ZCWPW2: variants seen among roughly 807,000 people sequenced by gnomAD.
The protein encoded by ZCWPW2 is zinc finger CW-type PWWP domain protein 2.
Under a neutral mutation model 46.6 loss-of-function variants are expected in ZCWPW2, and 45 were observed. The ratio of observed to expected loss-of-function variants is 0.96; its 90% CI spans 0.76 to 1.24. The LOEUF is 1.24. Among genes scored for constraint, ZCWPW2 ranks in the 50% most tolerant of loss-of-function variants. The probability of loss-of-function intolerance (pLI) is 0.00; values close to 1 mark genes in which losing one functional copy is unlikely to be tolerated. For synonymous variants in ZCWPW2, 152 were observed against 137.1 expected (o/e 1.11, Z -0.76); for missense variants, 429 against 403.9 (o/e 1.06, Z -0.53).
intron 3 of ZCWPW2, among the ~76,000 whole-genome samples, chr3:28,434,200 A>T (rs1381915764): frequency 1.3e-5 from 2 of 152,136 alleles, no homozygotes; most frequent in South Asian, 4.1e-4. Flanking sequence ...AAAATGAATA[A>T]CTTCTTAGGT....
chr3:28,504,618 A>G (rs1700229836), intron 6 of ZCWPW2, among the ~76,000 whole-genome samples: 1 of 152,230 alleles, frequency 6.6e-6, no homozygotes, highest in Non-Finnish European at 1.5e-5. Context: ...ATTGAAACAC[A>G]TAGATTCTAG....
intron 4 of ZCWPW2, among the ~76,000 whole-genome samples, chr3:28,476,210 G>C (rs1044629872): frequency 6.6e-6 from 1 of 151,526 alleles, no homozygotes; most frequent in Non-Finnish European, 1.5e-5. Flanking sequence ...GTAGTACCTG[G>C]GATGGGAAAG....
At chr3:28,478,631 T>G (rs976678950) in intron 4 of ZCWPW2, among the ~76,000 whole-genome samples, 183 bp from the exon 5 acceptor site, 4 of 152,124 alleles carry the variant, frequency 2.6e-5, no homozygotes, top group African/African-American at 9.7e-5. Flanking sequence ...ACTATTAACT[T>G]GCAAAATTTT....
intron 4 of ZCWPW2, among the ~76,000 whole-genome samples, chr3:28,474,618 TGTGCGCGCGC>T (rs1699162227): frequency 6.8e-6 from 1 of 146,458 alleles, no homozygotes; most frequent in Non-Finnish European, 1.5e-5. Context: ...TGTGTGTGTG[TGTGCGCGCGC>T]GCGCGCGCGC....
chr3:28,369,696 A>G (rs1705243864), intron 1 of ZCWPW2, among the ~76,000 whole-genome samples: 2 of 152,192 alleles, frequency 1.3e-5, no homozygotes, highest in African/African-American at 4.8e-5. Context: ...TCAGACAGGG[A>G]CATTTAAGTC....
chr3:28,406,862 C>T (rs1427298625), intron 2 of ZCWPW2, among the ~76,000 whole-genome samples: 2 of 138,082 alleles, frequency 1.4e-5, no homozygotes, highest in African/African-American at 2.7e-5. Flanking sequence ...AGGTCTCGGT[C>T]TGTCACCCAG....
chr3:28,431,317 A>T (rs926716250), intron 3 of ZCWPW2, among the ~76,000 whole-genome samples: 3 of 152,148 alleles, frequency 2.0e-5, no homozygotes, highest in Admixed American at 2.0e-4. Context: ...AATGTCACAG[A>T]CTGGGTGGCT....
chr3:28,440,686 G>A (rs1249036344), intron 4 of ZCWPW2, among the ~76,000 whole-genome samples: 28 of 152,194 alleles, frequency 1.8e-4, no homozygotes, highest in Admixed American at 1.8e-3. Context: ...TGAGCCCACT[G>A]CCACGCTTCT....
At position 28,350,830 on chromosome 3, in the gene ZCWPW2, G is replaced by A. The variant is rs190646463; in HGVS notation, c.-134+1627G>A. Among the ~76,000 whole-genome samples the A allele has an allele frequency of 2.4e-4, 37 of 151,950 alleles. 3 individuals carry two copies. The highest frequency in any genetic ancestry group is 1.2e-3 in the South Asian group (6 of 4,826). On this transcript the variant is annotated intron_variant, in intron 1 of 9. Coordinates refer to ENST00000383768, the MANE Select transcript of ZCWPW2 (RefSeq NM_001040432.4). ...AGGACATTTTATAGGAAAAGAGAAT[G>A]GTTAGATAATTGTTAAGCTCTAAGA...
chr3:28,417,586 C>T (rs1270716737), intron 3 of ZCWPW2, among the ~76,000 whole-genome samples: 4 of 149,842 alleles, frequency 2.7e-5, no homozygotes, highest in Non-Finnish European at 4.4e-5. Flanking sequence ...AGACCAATAT[C>T]CTTGATGAAC....
At chr3:28,375,286 C>G (rs950350213) in intron 1 of ZCWPW2, among the ~76,000 whole-genome samples, 1 of 151,584 alleles carries the variant, frequency 6.6e-6, no homozygotes, top group African/African-American at 2.4e-5. Flanking sequence ...GATCATGTTT[C>G]TTTATTAATT....
At chr3:28,406,007 A>G (rs554450481) in intron 2 of ZCWPW2, among the ~76,000 whole-genome samples, 1 of 152,326 alleles carries the variant, frequency 6.6e-6, no homozygotes, top group Admixed American at 6.5e-5. Flanking sequence ...AACTTGGCTC[A>G]ATTGTGTTCA....
intron 4 of ZCWPW2, among the ~76,000 whole-genome samples, chr3:28,473,645 A>G (rs1046462270): frequency 6.6e-6 from 1 of 152,250 alleles, no homozygotes; most frequent in Non-Finnish European, 1.5e-5. Context: ...ATCTATCAGT[A>G]TATGAATGGT....
chr3:28,439,984 T>G lies in ZCWPW2; in HGVS notation c.492+4715T>G, dbSNP rs1011574474. ...CAGCAAGCATCTTGGCAGGTCATGG[T>G]TTTTTTTCCTGGTGAAGTGACCAAA... is the stretch of plus-strand genomic sequence containing the variant. On this transcript the variant is annotated intron_variant, in intron 4 of 9. Transcript: ENST00000383768. Among the ~76,000 whole-genome samples the G allele has an allele frequency of 3.3e-5, 5 of 151,982 alleles. No homozygotes were observed. The East Asian group carries it at 9.7e-4, about 29-fold the overall frequency.
chr3:28,371,379 G>C (rs1705329062), intron 1 of ZCWPW2, among the ~76,000 whole-genome samples: 1 of 152,140 alleles, frequency 6.6e-6, no homozygotes, highest in African/African-American at 2.4e-5. Flanking sequence ...ATGGTAAAGG[G>C]GTCAGTGGAT....
chr3:28,353,974 A>C (rs1244171218), intron 1 of ZCWPW2, among the ~76,000 whole-genome samples: 1 of 152,194 alleles, frequency 6.6e-6, no homozygotes, highest in African/African-American at 2.4e-5. Flanking sequence ...TTGAGATATG[A>C]ATTTGTTCAT....
At chr3:28,517,774 CTG>C (rs751685372) in intron 8 of ZCWPW2, among the ~76,000 whole-genome samples, 7 of 152,146 alleles carry the variant, frequency 4.6e-5, no homozygotes, top group Non-Finnish European at 1.0e-4. Flanking sequence ...TTGAGACAAA[CTG>C]TGAGTTATTT....
chr3:28,489,073 C>G (rs1699709117), intron 5 of ZCWPW2, among the ~76,000 whole-genome samples: 1 of 152,094 alleles, frequency 6.6e-6, no homozygotes, highest in African/African-American at 2.4e-5. Context: ...ACACAAAAAG[C>G]TCCTTGAACA....
intron 4 of ZCWPW2, chr3:28,447,587 G>A (rs1698043471): frequency 4.9e-6 from 1 of 204,834 alleles, no homozygotes; most frequent in South Asian, 1.2e-4. Flanking sequence ...TTTCTTCTGA[G>A]ATGAGGAACA....
Sources: gnomAD v4.1 joint callset for allele counts (sites outside exome capture counted in the v4.1 genomes callset) on GRCh38, gnomAD v4.1.1 for gene constraint, MANE v1.5 for transcripts, NCBI Gene and HGNC (gene_info 2026-07-23, HGNC 2026-07-21) for gene names.